Variants in C8orf34 observed in about 807,000 individuals in gnomAD.
C8orf34 encodes chromosome 8 open reading frame 34, also known as uncharacterized protein C8orf34.
A neutral mutation model predicts 68.3 loss-of-function variants in C8orf34; 65 were observed. The ratio of observed to expected loss-of-function variants is 0.95; its 90% confidence interval spans 0.78 to 1.17. The LOEUF is 1.17. C8orf34 is among the 50% of genes most tolerant of loss of function. The probability of loss-of-function intolerance (pLI) is 0.00; values close to 1 mark genes in which losing one functional copy is unlikely to be tolerated. For synonymous variants in C8orf34, 244 were observed against 241.2 expected (o/e 1.01, Z -0.11); for missense variants, 664 against 655.4 (o/e 1.01, Z -0.14).
Position 68,360,806 on chromosome 8 carries a change from G to A in C8orf34, c.327+29467G>A, listed in dbSNP as rs11777064. Among the ~76,000 whole-genome samples, 652 of 144,320 alleles carry A rather than the reference G, an allele frequency of 4.5e-3. 1 individual carries two copies. Among genetic ancestry groups the A allele is most frequent in the Non-Finnish European group, 6.8e-3 (458 of 67,104 alleles). 94.7% of individuals were successfully genotyped at this position (144,320 alleles called of 152,430 possible). ...CTCGCTCTGTCACCCAGTCTGGAGT[G>A]CAGTGGTGTGATCCTGGCTCACTGC... On this transcript the variant is annotated intron_variant, in intron 1 of 13. Transcript: ENST00000518698.
chr8:68,774,944 T>TAAAAAAAAAAAAAAAAA (rs1224756627), intron 10 of C8orf34, among the ~76,000 whole-genome samples: 11 of 44,678 alleles, frequency 2.5e-4, no homozygotes, highest in South Asian at 7.7e-4. Context: ...CTGTCTCCAC[T>TAAAAAAAAAAAAAAAAA]AAAAAAAAAA....
intron 12 of C8orf34, among the ~76,000 whole-genome samples, chr8:68,796,928 G>A (rs1824196228): frequency 6.7e-6 from 1 of 148,918 alleles, no homozygotes; most frequent in African/African-American, 2.5e-5. Context: ...TTGCATTCAA[G>A]CAATTCTCTT....
intron 12 of C8orf34, among the ~76,000 whole-genome samples, chr8:68,806,533 CTAA>C (rs1824491522): frequency 1.3e-5 from 2 of 151,956 alleles, no homozygotes; most frequent in East Asian, 1.9e-4. Flanking sequence ...ATTATTACTA[CTAA>C]TAATATTTTT....
chr8:68,428,821 A>G (rs928590366), intron 1 of C8orf34, among the ~76,000 whole-genome samples: 2 of 152,100 alleles, frequency 1.3e-5, no homozygotes, highest in African/African-American at 4.8e-5. Flanking sequence ...TTGATTCATG[A>G]CAAAGGCAGT....
chr8:68,570,488 T>A (rs1020133587), intron 7 of C8orf34, among the ~76,000 whole-genome samples: 2 of 152,200 alleles, frequency 1.3e-5, no homozygotes, highest in South Asian at 4.1e-4. Flanking sequence ...AATAAAACAT[T>A]GTAAACCAAT....
intron 7 of C8orf34, among the ~76,000 whole-genome samples, chr8:68,559,720 A>T (rs982032870): frequency 2.0e-5 from 3 of 152,224 alleles, no homozygotes; most frequent in Non-Finnish European, 2.9e-5. Flanking sequence ...TGATGTAGGT[A>T]TGAAATTAGC....
intron 7 of C8orf34, among the ~76,000 whole-genome samples, chr8:68,615,752 T>C (rs1818189034): frequency 6.6e-6 from 1 of 152,190 alleles, no homozygotes; most frequent in Non-Finnish European, 1.5e-5. Context: ...TAAAATTCTC[T>C]CTTTTGGTTT....
intron 8 of C8orf34, among the ~76,000 whole-genome samples, chr8:68,677,605 C>T (rs944522927): frequency 4.9e-5 from 6 of 121,566 alleles, no homozygotes; most frequent in Non-Finnish European, 8.7e-5. Context: ...GATCCACCTG[C>T]CTTGCCTAAC....
intron 1 of C8orf34, among the ~76,000 whole-genome samples, chr8:68,379,729 T>G (rs766868252): frequency 6.6e-6 from 1 of 152,224 alleles, no homozygotes; most frequent in Non-Finnish European, 1.5e-5. Context: ...CCTTGTCCAG[T>G]GTAGGCCACT....
intron 11 of C8orf34, among the ~76,000 whole-genome samples, chr8:68,784,472 T>G (rs1023531938): frequency 6.6e-6 from 1 of 152,160 alleles, no homozygotes; most frequent in Admixed American, 6.5e-5. Context: ...TCCCTATCCC[T>G]CCTGAACTAT....
intron 7 of C8orf34, among the ~76,000 whole-genome samples, chr8:68,559,674 G>A (rs139645675): frequency 3.2e-4 from 48 of 152,184 alleles, no homozygotes; most frequent in African/African-American, 9.2e-4. Flanking sequence ...TATAGATGTC[G>A]AAAAACACCT....
At chr8:68,639,072 T>C (rs1362138599) in intron 7 of C8orf34, among the ~76,000 whole-genome samples, 10 of 151,794 alleles carry the variant, frequency 6.6e-5, no homozygotes, top group East Asian at 1.9e-4. Flanking sequence ...GGCTGAAAAG[T>C]GTGTGTTCAG....
rs78744971 is a variant in C8orf34 at position 68,371,397 on chromosome 8, A to C, written c.327+40058A>C. 5.7e-3 allele frequency among the ~76,000 whole-genome samples: 863 copies of C among 152,248 alleles called. 7 individuals are homozygous for C. Among genetic ancestry groups the C allele is most frequent in the African/African-American group, 0.019 (773 of 41,536 alleles). On this transcript the variant is annotated intron_variant, in intron 1 of 13. Coordinates refer to ENST00000518698, the MANE Select transcript of C8orf34 (RefSeq NM_052958.4). Reference sequence around the variant, plus strand: ...ATAATTTGAATTCACAAACTCACAAATTGAAAATTTAAGTTAGATATTTTA... The same window carrying C: ...ATAATTTGAATTCACAAACTCACAACTTGAAAATTTAAGTTAGATATTTTA...
intron 8 of C8orf34, among the ~76,000 whole-genome samples, chr8:68,688,255 G>T (rs990168095): frequency 6.6e-5 from 10 of 152,050 alleles, no homozygotes; most frequent in African/African-American, 1.2e-4. Flanking sequence ...CCACTACTGG[G>T]TATCTATTCA....
chr8:68,727,335 G>A (rs1821860362), intron 10 of C8orf34, among the ~76,000 whole-genome samples: 1 of 152,166 alleles, frequency 6.6e-6, no homozygotes, highest in Admixed American at 6.5e-5. Flanking sequence ...ACGGTCTTGG[G>A]CAGTTCCACC....
intron 7 of C8orf34, among the ~76,000 whole-genome samples, chr8:68,589,482 GAA>G (rs1373096150): frequency 2.1e-5 from 3 of 145,896 alleles, no homozygotes; most frequent in African/African-American, 2.5e-5. Context: ...AAGAGGAAAA[GAA>G]AGAAGAAAGA....
chr8:68,434,137 C>A (rs935983968), intron 1 of C8orf34, among the ~76,000 whole-genome samples: 1 of 151,934 alleles, frequency 6.6e-6, no homozygotes, highest in African/African-American at 2.4e-5. Context: ...TTTCCTTTTT[C>A]TTCTTTTACT....
intron 7 of C8orf34, among the ~76,000 whole-genome samples, chr8:68,607,080 C>T (rs1468613000): frequency 6.6e-6 from 1 of 152,080 alleles, no homozygotes; most frequent in African/African-American, 2.4e-5. Flanking sequence ...TTCTTATCGT[C>T]AATCAGAGTC....
In C8orf34 at chr8:68,732,825, T is replaced by C. The variant is rs187233665; in HGVS notation, c.1404+11388T>C. 4.5e-3 allele frequency among the ~76,000 whole-genome samples: 683 copies of C among 152,252 alleles called. 1 individual carries two copies. Among genetic ancestry groups the C allele is most frequent in the Non-Finnish European group, 6.7e-3 (459 of 68,014 alleles). On this transcript the variant is annotated intron_variant, in intron 10 of 13. Transcript: ENST00000518698. The stretch of plus-strand genomic sequence containing the variant: ...GGCGTGTAATCCCAGCACTTTGGGA[T>C]GCCGAGGCAGACAGATCACCTGAGG...
Sources: allele counts gnomAD v4.1 joint callset (sites outside exome capture counted in the v4.1 genomes callset), GRCh38; gene constraint gnomAD v4.1.1; transcripts MANE v1.5; gene names NCBI Gene and HGNC (gene_info 2026-07-23, HGNC 2026-07-21).